The following GRIA4 variants were observed in gnomAD, a reference collection of about 807,000 sequenced individuals.
The protein encoded by GRIA4 is glutamate receptor 4.
GRIA4 carries 34 observed loss-of-function variants against 104.0 expected under a neutral mutation model. The ratio of observed to expected loss-of-function variants is 0.33; its 90% CI spans 0.25 to 0.44. The LOEUF (loss-of-function observed/expected upper bound fraction) is 0.44. GRIA4 is among the 20% of genes least tolerant of loss of function. GRIA4 has a pLI of 1.00. For missense variants in GRIA4, 750 were observed against 1,096.5 expected (o/e 0.68, Z 4.46); for synonymous variants, 386 against 381.9 (o/e 1.01, Z -0.13).
At chr11:105,634,462 AGAAAG>A (rs760646476) in intron 3 of GRIA4, among the ~76,000 whole-genome samples, 6 of 139,986 alleles carry the variant, frequency 4.3e-5, no homozygotes, top group Non-Finnish European at 9.1e-5. Flanking sequence ...AAAGAAAGAA[AGAAAG>A]GGAAAGAAAG....
intron 10 of GRIA4, among the ~76,000 whole-genome samples, chr11:105,917,907 T>G (rs1022955849): frequency 6.6e-6 from 1 of 151,794 alleles, no homozygotes; most frequent in Non-Finnish European, 1.5e-5. Flanking sequence ...TTTCATTTTA[T>G]CAGGATTTTC....
chr11:105,695,695 A>T (rs2135507530), intron 3 of GRIA4, among the ~76,000 whole-genome samples: 1 of 152,136 alleles, frequency 6.6e-6, no homozygotes, highest in South Asian at 2.1e-4. Context: ...TTATATAGTT[A>T]TATTTATTTT....
Position 105,825,404 on chromosome 11 carries a change from C to T in GRIA4, c.488-36620C>T, listed in dbSNP as rs147778314. 9.0e-3 allele frequency among the ~76,000 whole-genome samples: 1,368 copies of T among 152,086 alleles called. 6 individuals carry two copies. Among genetic ancestry groups the T allele is most frequent in the South Asian group, 0.018 (86 of 4,830 alleles). Reference sequence around the variant, plus strand: ...CAGGCAATAGAGTGCCTCCTTTTTACCTAAAGCTCAGATGCTGCTGGGTTC... The same window carrying T: ...CAGGCAATAGAGTGCCTCCTTTTTATCTAAAGCTCAGATGCTGCTGGGTTC... On this transcript the variant is annotated intron_variant, in intron 4 of 16. Coordinates refer to ENST00000282499, the MANE Select transcript of GRIA4 (RefSeq NM_000829.4).
chr11:105,831,239 T>C (rs577838164), intron 4 of GRIA4, among the ~76,000 whole-genome samples: 2 of 152,090 alleles, frequency 1.3e-5, no homozygotes, highest in Admixed American at 1.3e-4. Flanking sequence ...TCCTTTTTTC[T>C]CCTCCTTGTG....
intron 3 of GRIA4, among the ~76,000 whole-genome samples, chr11:105,702,470 T>C (rs1344631884): frequency 6.6e-6 from 1 of 151,442 alleles, no homozygotes; most frequent in Non-Finnish European, 1.5e-5. Flanking sequence ...ATAGGCATAA[T>C]GAAAAACCAA....
intron 3 of GRIA4, among the ~76,000 whole-genome samples, chr11:105,709,566 C>T (rs1182338194): frequency 6.6e-6 from 1 of 152,064 alleles, no homozygotes; most frequent in Non-Finnish European, 1.5e-5. Context: ...ACCATCTTAA[C>T]CACGTAATTG....
intron 4 of GRIA4, among the ~76,000 whole-genome samples, chr11:105,829,479 C>T (rs1050738027): frequency 6.6e-6 from 1 of 151,942 alleles, no homozygotes; most frequent in East Asian, 1.9e-4. Flanking sequence ...ACAAAAGTGG[C>T]AAGGACTGCT....
At chr11:105,850,460 T>C (rs1346767390) in intron 4 of GRIA4, among the ~76,000 whole-genome samples, 1 of 152,178 alleles carries the variant, frequency 6.6e-6, no homozygotes, top group African/African-American at 2.4e-5. Context: ...TGGGCAAGCA[T>C]ATAGATAGAT....
intron 4 of GRIA4, among the ~76,000 whole-genome samples, chr11:105,765,181 G>C (rs1050404869): frequency 1.3e-5 from 2 of 152,094 alleles, no homozygotes; most frequent in Non-Finnish European, 2.9e-5. Flanking sequence ...CTTAGCAAAA[G>C]CCATTATGCA....
intron 6 of GRIA4, among the ~76,000 whole-genome samples, chr11:105,888,512 T>C (rs537097638): frequency 6.6e-6 from 1 of 151,882 alleles, no homozygotes. Context: ...GGTCTCGATC[T>C]CCTGACCTCG....
chr11:105,695,246 C>T (rs1464174798), intron 3 of GRIA4, among the ~76,000 whole-genome samples: 4 of 152,128 alleles, frequency 2.6e-5, no homozygotes, highest in African/African-American at 9.7e-5. Context: ...TGGTTTTGAT[C>T]TATTTTGGTT....
At chr11:105,898,584 A>C (rs1946746057) in intron 7 of GRIA4, among the ~76,000 whole-genome samples, 157 bp downstream of exon 7, 1 of 152,170 alleles carries the variant, frequency 6.6e-6, no homozygotes, top group South Asian at 2.1e-4. Context: ...GCTCTTAATA[A>C]TTTCTAAATT....
At chr11:105,911,947 TA>T in intron 10 of GRIA4, 1 of 1,537,202 alleles carries the variant, frequency 6.5e-7, no homozygotes, top group Non-Finnish European at 8.8e-7. Context: ...CGACCATTCC[TA>T]ACTAAGGCTC....
chr11:105,622,501 G>A (rs755523634), intron 3 of GRIA4, among the ~76,000 whole-genome samples: 7 of 151,380 alleles, frequency 4.6e-5, no homozygotes, highest in Non-Finnish European at 7.4e-5. Flanking sequence ...CCTATTTGTC[G>A]TTCTTCACTT....
chr11:105,790,047 A>AT (rs1170789008), intron 4 of GRIA4, among the ~76,000 whole-genome samples: 3 of 152,004 alleles, frequency 2.0e-5, no homozygotes, highest in African/African-American at 7.3e-5. Flanking sequence ...AAAATGCAGA[A>AT]TTTTTTTTCT....
intron 14 of GRIA4, among the ~76,000 whole-genome samples, chr11:105,964,129 A>G (rs749987882): frequency 2.6e-5 from 4 of 152,164 alleles, no homozygotes; most frequent in East Asian, 3.8e-4. Context: ...AGATGTCTCT[A>G]TCTTCATTCC....
chr11:105,789,704 A>T (rs1016916036), intron 4 of GRIA4, among the ~76,000 whole-genome samples: 2 of 152,164 alleles, frequency 1.3e-5, no homozygotes, highest in African/African-American at 4.8e-5. Context: ...AAATTCTTTT[A>T]TCTTATTTCT....
chr11:105,741,204 G>T (rs773943341), intron 3 of GRIA4, among the ~76,000 whole-genome samples: 1 of 152,160 alleles, frequency 6.6e-6, no homozygotes, highest in Non-Finnish European at 1.5e-5. Context: ...TTCATAGATA[G>T]CCATGTTTTC....
At chr11:105,949,156 G>C (rs1165264600) in intron 14 of GRIA4, among the ~76,000 whole-genome samples, 1 of 152,016 alleles carries the variant, frequency 6.6e-6, no homozygotes, top group Non-Finnish European at 1.5e-5. Flanking sequence ...TTATACAGTG[G>C]ATCAAATTGT....
Sources: allele counts gnomAD v4.1 joint callset (sites outside exome capture counted in the v4.1 genomes callset), GRCh38; gene constraint gnomAD v4.1.1; transcripts MANE v1.5; gene names NCBI Gene and HGNC (gene_info 2026-07-23, HGNC 2026-07-21).